The following FGF14 variants were observed in gnomAD, a reference collection of about 807,000 sequenced individuals.
FGF14 encodes the protein fibroblast growth factor 14, also known as fibroblast growth factor homologous factor 4.
Under a neutral mutation model 25.5 loss-of-function variants are expected in FGF14, and 5 were observed. The ratio of observed to expected loss-of-function variants is 0.20; its 90% confidence interval spans 0.10 to 0.41. The LOEUF is 0.41. FGF14 is among the 10% of genes least tolerant of loss of function. The pLI is 1.00. For missense variants in FGF14, 222 were observed against 320.1 expected (o/e 0.69, Z 2.34); for synonymous variants, 138 against 118.3 (o/e 1.17, Z -1.08).
chr13:101,825,096 A>C (rs1329425364), intron 3 of FGF14, among the ~76,000 whole-genome samples: 4 of 152,190 alleles, frequency 2.6e-5, no homozygotes, highest in African/African-American at 7.2e-5. Flanking sequence ...CTAGCAACTG[A>C]TGGAACCTGA....
chr13:102,109,279 G>A (rs533554675), intron 1 of FGF14, among the ~76,000 whole-genome samples: 22 of 152,152 alleles, frequency 1.4e-4, no homozygotes, highest in Non-Finnish European at 3.1e-4. Flanking sequence ...GGGTGGTCCT[G>A]GGGAGGTTTT....
chr13:101,745,300 C>T (rs771588048), intron 3 of FGF14, among the ~76,000 whole-genome samples: 2 of 152,002 alleles, frequency 1.3e-5, no homozygotes, highest in Non-Finnish European at 2.9e-5. Context: ...CCATTATCAG[C>T]GTCCTGCACT....
intron 1 of FGF14, among the ~76,000 whole-genome samples, chr13:102,101,591 T>C (rs2044664531): frequency 6.6e-6 from 1 of 152,140 alleles, no homozygotes; most frequent in African/African-American, 2.4e-5. Flanking sequence ...TTTGCATTCA[T>C]CCCAAAGCAA....
rs1484436976 is a variant in FGF14, at chr13:101,720,106, T to G, written c.*2725A>C. The G allele has an allele frequency of 6.6e-6, 1 of 152,118 alleles. No individual in the cohort carries two copies. Among genetic ancestry groups the G allele is most frequent in the African/African-American group, 2.4e-5 (1 of 41,446 alleles). 9.4% of individuals were successfully genotyped at this position (152,118 alleles called of 1,614,324 possible). A position where few individuals can be genotyped will look rare whatever the true frequency, so the allele number is the denominator to read the frequency against. Reference sequence around the variant, plus strand: ...ATGTTGTATTTGTGAATTTAACAAATGATATTAAACACAAACTACAATGCA... The same window carrying G: ...ATGTTGTATTTGTGAATTTAACAAAGGATATTAAACACAAACTACAATGCA... On this transcript the variant is annotated 3_prime_UTR_variant, in exon 5 of 5. Transcript: ENST00000376143.
intron 3 of FGF14, among the ~76,000 whole-genome samples, chr13:101,757,653 T>C (rs1214280711): frequency 6.6e-6 from 1 of 152,166 alleles, no homozygotes; most frequent in Non-Finnish European, 1.5e-5. Context: ...TCTAGTGGGG[T>C]TGATATGTAT....
intron 1 of FGF14, among the ~76,000 whole-genome samples, chr13:102,286,108 G>A (rs2054083379): frequency 6.6e-6 from 1 of 152,258 alleles, no homozygotes; most frequent in South Asian, 2.1e-4. Context: ...TTGGTAGAGG[G>A]AGGTAAGTAG....
At chr13:102,050,237 A>T (rs949516658) in intron 1 of FGF14, among the ~76,000 whole-genome samples, 42 of 152,236 alleles carry the variant, frequency 2.8e-4, no homozygotes, top group African/African-American at 9.9e-4. Context: ...GTATCAGGAC[A>T]CAGTATAGAA....
chr13:102,102,842 G>T (rs2044723992), intron 1 of FGF14, among the ~76,000 whole-genome samples: 1 of 152,082 alleles, frequency 6.6e-6, no homozygotes, highest in Non-Finnish European at 1.5e-5. Context: ...TCAAGTAAAG[G>T]ACTCTGTCTC....
chr13:101,769,108 A>G (rs957698003), intron 3 of FGF14, among the ~76,000 whole-genome samples: 3 of 152,190 alleles, frequency 2.0e-5, no homozygotes, highest in Non-Finnish European at 4.4e-5. Flanking sequence ...AAGCCCAGTA[A>G]TAAAAAACAA....
At chr13:102,230,593 C>T (rs1018147268) in intron 1 of FGF14, among the ~76,000 whole-genome samples, 2 of 151,940 alleles carry the variant, frequency 1.3e-5, no homozygotes, top group African/African-American at 2.4e-5. Flanking sequence ...ACTTTGCAGG[C>T]GGTAGCAGGT....
At chr13:101,788,049 T>G (rs1431421253) in intron 3 of FGF14, among the ~76,000 whole-genome samples, 4 of 152,046 alleles carry the variant, frequency 2.6e-5, no homozygotes, top group Non-Finnish European at 5.9e-5. Flanking sequence ...TTTTTGTATT[T>G]TTTAGTAGAG....
At chr13:102,245,539 T>C (rs1412084565) in intron 1 of FGF14, among the ~76,000 whole-genome samples, 1 of 152,026 alleles carries the variant, frequency 6.6e-6, no homozygotes, top group African/African-American at 2.4e-5. Context: ...AATGGTAACT[T>C]AGAAGTAGAA....
intron 1 of FGF14, among the ~76,000 whole-genome samples, chr13:102,279,469 C>T (rs1178398913): frequency 6.6e-6 from 1 of 152,144 alleles, no homozygotes; most frequent in East Asian, 1.9e-4. Context: ...TGCTTCTTCA[C>T]GTTCCAAATT....
chr13:102,169,872 C>T (rs2048176838), intron 1 of FGF14, among the ~76,000 whole-genome samples: 1 of 152,168 alleles, frequency 6.6e-6, no homozygotes, highest in Non-Finnish European at 1.5e-5. Flanking sequence ...AACTATTGAG[C>T]ACTTGAAATG....
chr13:102,041,167 CAT>C (rs1456182085), intron 1 of FGF14, among the ~76,000 whole-genome samples: 1 of 151,942 alleles, frequency 6.6e-6, no homozygotes, highest in East Asian at 1.9e-4. Context: ...TCTCTTCACA[CAT>C]ATTTTTTAAA....
intron 1 of FGF14, among the ~76,000 whole-genome samples, chr13:101,977,491 T>C (rs1263993438): frequency 6.6e-6 from 1 of 152,222 alleles, no homozygotes; most frequent in Non-Finnish European, 1.5e-5. Flanking sequence ...TTCCTGGCCA[T>C]GGTAGTCAAA....
At chr13:101,847,499 ATCTT>A (rs1236541012) in intron 3 of FGF14, among the ~76,000 whole-genome samples, 1 of 152,124 alleles carries the variant, frequency 6.6e-6, no homozygotes, top group African/African-American at 2.4e-5. Context: ...AGACAACTGC[ATCTT>A]TCTTTTTGTT....
At chr13:101,861,375 C>T (rs964112002) in intron 3 of FGF14, among the ~76,000 whole-genome samples, 2 of 152,082 alleles carry the variant, frequency 1.3e-5, no homozygotes, top group African/African-American at 2.4e-5. Flanking sequence ...GCTTTATTTT[C>T]TTAGTGAAAA....
At chr13:102,198,368 C>T (rs1282704743) in intron 1 of FGF14, among the ~76,000 whole-genome samples, 1 of 152,178 alleles carries the variant, frequency 6.6e-6, no homozygotes, top group Non-Finnish European at 1.5e-5. Flanking sequence ...ACACCAGTGC[C>T]AAATATAACA....
Sources: allele counts gnomAD v4.1 joint callset (sites outside exome capture counted in the v4.1 genomes callset), GRCh38; gene constraint gnomAD v4.1.1; transcripts MANE v1.5; gene names NCBI Gene and HGNC (gene_info 2026-07-23, HGNC 2026-07-21).